The following ELL3 variants were observed in gnomAD, a reference collection of about 807,000 sequenced individuals.
ELL3 encodes the protein RNA polymerase II elongation factor ELL3.
ELL3 carries 48 observed loss-of-function variants against 58.5 expected under a neutral mutation model. The ratio of observed to expected loss-of-function variants is 0.82; its 90% CI spans 0.65 to 1.04. The LOEUF is 1.04. ELL3 is among the 50% of genes least tolerant of loss of function. The probability of loss-of-function intolerance (pLI) is 0.00; values close to 1 mark genes in which losing one functional copy is unlikely to be tolerated. For synonymous variants in ELL3, 174 were observed against 173.2 expected (o/e 1.00, Z -0.04); for missense variants, 458 against 478.4 (o/e 0.96, Z 0.40).
At chr15:43,776,234 T>G in intron 2 of ELL3, 83 bp from the exon 3 acceptor site, 1 of 1,295,342 alleles carries the variant, frequency 7.7e-7, no homozygotes, top group Non-Finnish European at 1.1e-6. Context: ...AGCCAGTCCG[T>G]AAGTAAGACT....
chr15:43,773,777 G>A (rs2086895625), intron 9 of ELL3, among the ~76,000 whole-genome samples: 1 of 151,978 alleles, frequency 6.6e-6, no homozygotes, highest in Non-Finnish European at 1.5e-5. Flanking sequence ...TGAGGTGGGT[G>A]GATCACTTGA....
At chr15:43,774,142 G>T (rs774957583) in intron 9 of ELL3, 40 bp downstream of exon 9, 11 of 1,605,944 alleles carry the variant, frequency 6.8e-6, no homozygotes, top group Non-Finnish European at 8.5e-6. Context: ...GGGGTTAATG[G>T]CCAGTAGAGC....
chr15:43,774,392 C>A lies in ELL3; in HGVS notation c.867-39G>T, dbSNP rs765436329. On this transcript the variant is annotated intron_variant, in intron 8 of 10. Transcript: ENST00000319359. ...AGAGTTGTCACCTTCAATTTCATTG[C>A]CCCTGAAAAGCCCCCAGCTTCCAGG... The A allele has an allele frequency of 3.1e-6, 5 of 1,613,576 alleles. No individual in the cohort carries two copies. In the East Asian group the frequency reaches 8.9e-5, roughly 29 times the overall value.
At chr15:43,776,332 C>T (rs1183938134) in intron 2 of ELL3, 177 bp downstream of exon 2, 16 of 1,189,388 alleles carry the variant, frequency 1.3e-5, no homozygotes, top group African/African-American at 3.0e-5. Context: ...TCCCCTCAAA[C>T]CACAGCCCCC....
At position 43,774,167 on chromosome 15, in the gene ELL3, G is replaced by C; in HGVS notation, c.1038+15C>G. 1 of 1,611,814 alleles carries C rather than the reference G, an allele frequency of 6.2e-7. No individual in the cohort carries two copies. The highest frequency in any genetic ancestry group is 8.5e-7 in the Non-Finnish European group (1 of 1,178,172). On this transcript the variant is annotated intron_variant, in intron 9 of 10. Transcript: ENST00000319359. Reference sequence around the variant, plus strand: ...GCCAGTAGAGCTGGAAAGCCAGGCTGGGTCCTGTCCTTACCTTGTATTCTG... The same window carrying C: ...GCCAGTAGAGCTGGAAAGCCAGGCTCGGTCCTGTCCTTACCTTGTATTCTG...
At chr15:43,775,949 A>T (rs368471646) in intron 3 of ELL3, 26 bp from the exon 4 acceptor site, 2 of 1,613,552 alleles carry the variant, frequency 1.2e-6, no homozygotes, top group Non-Finnish European at 1.7e-6. Flanking sequence ...GGAAAAAAAT[A>T]GGAGGGTGGA....
In ELL3 at chr15:43,773,196, G is replaced by A. The variant is rs758812825; in HGVS notation, c.1114C>T (p.Arg372Cys). The change falls in exon 11 of 11, where the codon CGC becomes TGC. Residue 372 changes from arginine (R) to cysteine (C), a missense_variant. Arg to Cys is a radical substitution (Grantham distance 180, BLOSUM62 -3). Coordinates refer to ENST00000319359, the MANE Select transcript of ELL3 (RefSeq NM_025165.3). ...AATTTCTGGTGAAGGTACTCACAGC[G>A]ACGCTTTTCTTCTCTGTAACTTGGG... ...QYPSYREEKR[R>C]CEYLHQKLSH... 23 of 1,613,826 alleles carry A rather than the reference G, an allele frequency of 1.4e-5. No individual in the cohort carries two copies. The highest frequency in any genetic ancestry group is 2.7e-5 in the African/African-American group (2 of 74,888).
chr15:43,773,287 C>A lies in ELL3; in HGVS notation c.1083+17G>T. 1.2e-6 allele frequency: 2 copies of A among 1,614,144 alleles called. No individual in the cohort carries two copies. The highest frequency in any genetic ancestry group is 8.5e-7 in the Non-Finnish European group (1 of 1,180,026). On this transcript the variant is annotated intron_variant, in intron 10 of 10. Transcript: ENST00000319359. ...ATTCTCATTCTACCTTGCTTCCGTTCCCAGACCTTGTCTTACCTTCCTGAA... is the reference window on the plus strand; with the variant it reads ...ATTCTCATTCTACCTTGCTTCCGTTACCAGACCTTGTCTTACCTTCCTGAA...
Position 43,776,021 on chromosome 15 carries a change from C to A in ELL3, c.281+18G>T. On this transcript the variant is annotated intron_variant, in intron 3 of 10. Transcript: ENST00000319359. ...CTTTCCACAAACCCTTTCTTGCCGG[C>A]TACCTGTTCCCCCTCACCTGAGGAA... 1 of 1,613,648 alleles carries A rather than the reference C, an allele frequency of 6.2e-7. No homozygotes were observed. The highest frequency in any genetic ancestry group is 1.3e-5 in the African/African-American group (1 of 75,036).
At chr15:43,775,464 G>C in intron 5 of ELL3, 61 bp downstream of exon 5, 1 of 1,609,262 alleles carries the variant, frequency 6.2e-7, no homozygotes, top group Non-Finnish European at 8.5e-7. Flanking sequence ...TTTAAGAGTG[G>C]AGATTAGAAA....
chr15:43,774,549 T>C, intron 7 of ELL3, 31 bp from the exon 8 acceptor site: 1 of 1,613,850 alleles, frequency 6.2e-7, no homozygotes, highest in Non-Finnish European at 8.5e-7. Flanking sequence ...CACAAGTGAT[T>C]ATAAGTCTTT....
intron 2 of ELL3, 38 bp downstream of exon 2, chr15:43,776,471 G>T (rs2086917954): frequency 2.6e-6 from 4 of 1,557,010 alleles, no homozygotes; most frequent in African/African-American, 1.4e-5. Flanking sequence ...ATGCTCCCTC[G>T]CCCTCACCTC....
At chr15:43,774,969 CAAA>C (rs35794833) in intron 6 of ELL3, among the ~76,000 whole-genome samples, 196 bp from the exon 7 acceptor site, 1 of 151,300 alleles carries the variant, frequency 6.6e-6, no homozygotes, top group Non-Finnish European at 1.5e-5. Flanking sequence ...CCTATCTCTA[CAAA>C]AAAATAAAAA....
intron 2 of ELL3, 140 bp from the exon 3 acceptor site, chr15:43,776,291 C>T: frequency 9.2e-7 from 1 of 1,089,546 alleles, no homozygotes; most frequent in Non-Finnish European, 1.3e-6. Context: ...GCAGCTGGGC[C>T]TGAGTTCCCC....
chr15:43,776,326 C>T, intron 2 of ELL3, 175 bp from the exon 3 acceptor site: 1 of 1,169,980 alleles, frequency 8.5e-7, no homozygotes, highest in Middle Eastern at 1.9e-4. Flanking sequence ...GCACAGTCCC[C>T]TCAAACCACA....
intron 9 of ELL3, among the ~76,000 whole-genome samples, chr15:43,773,647 A>G (rs1221230700): frequency 1.3e-5 from 2 of 151,794 alleles, no homozygotes; most frequent in Admixed American, 6.6e-5. Context: ...GCAGTGAGCC[A>G]AGATCACGCT....
Position 43,776,126 on chromosome 15 carries a change from C to T in ELL3, c.194G>A (p.Trp65Ter). Residue 65 changes from tryptophan to a stop codon, truncating the protein, a stop_gained, in exon 3 of 11, where the codon TGG becomes TAG. Transcript: ENST00000319359. LOFTEE classifies it high-confidence loss of function. The part of the protein sequence containing the change: ...RGYLRLPGPG[W>*]SCLFSFIVSQ... ...CACTATGAAGGAGAAGAGGCAGGAC[C>T]AACCAGGGCCTGGGAGTCTCAGATA... 1 of 1,614,156 alleles carries T rather than the reference C, an allele frequency of 6.2e-7. No homozygotes were observed. Among genetic ancestry groups the T allele is most frequent in the Non-Finnish European group, 8.5e-7 (1 of 1,180,020 alleles).
chr15:43,776,624 A>T, intron 1 of ELL3, 80 bp from the exon 2 acceptor site: 1 of 1,550,412 alleles, frequency 6.4e-7, no homozygotes, highest in Non-Finnish European at 8.7e-7. Context: ...GCCCGGGATC[A>T]CCTGCCTAGC....
Position 43,776,902 on chromosome 15 carries a change from G to T in ELL3, c.-1C>A. 1 of 1,610,376 alleles carries T rather than the reference G, an allele frequency of 6.2e-7. No homozygotes were observed. Among genetic ancestry groups the T allele is most frequent in the South Asian group, 1.1e-5 (1 of 90,900 alleles). On this transcript the variant is annotated 5_prime_UTR_variant, in exon 1 of 11. Transcript: ENST00000319359. ...TCAGAGGCTCCTGGAGCTCCTCCAT[G>T]GCGACGAGTTCGAGTGCAAGCAGCA...
Sources: allele counts gnomAD v4.1 joint callset (sites outside exome capture counted in the v4.1 genomes callset), GRCh38; gene constraint gnomAD v4.1.1; transcripts MANE v1.5; gene names NCBI Gene and HGNC (gene_info 2026-07-23, HGNC 2026-07-21).